Variants in CENPQ observed in about 807,000 individuals in gnomAD.
The protein encoded by CENPQ is chromosome 6 open reading frame 139.
A neutral mutation model predicts 36.6 loss-of-function variants in CENPQ; 27 were observed. The observed-to-expected ratio is 0.74, with a 90% CI of 0.54 to 1.02. The LOEUF is 1.02. Among genes scored for constraint, CENPQ ranks in the 50% least tolerant of loss-of-function variants. The pLI, the probability that CENPQ is intolerant of heterozygous loss-of-function variation, is 0.00. For synonymous variants in CENPQ, 101 were observed against 101.7 expected (o/e 0.99, Z 0.04); for missense variants, 306 against 301.8 (o/e 1.01, Z -0.10).
At position 49,478,743 on chromosome 6, in the gene CENPQ, A is replaced by G. The variant is rs547319426; in HGVS notation, c.348-2208A>G. Reference sequence around the variant, plus strand: ...ATATGATTGATATAGACTGGATTATATACCTAGCCCCATGATTACACAGAC... The same window carrying G: ...ATATGATTGATATAGACTGGATTATGTACCTAGCCCCATGATTACACAGAC... On this transcript the variant is annotated intron_variant, in intron 5 of 8. Coordinates refer to ENST00000335783, the MANE Select transcript of CENPQ (RefSeq NM_018132.4). 4.5e-4 allele frequency among the ~76,000 whole-genome samples: 69 copies of G among 152,316 alleles called. No individual in the cohort carries two copies. The East Asian group carries it at 0.013, about 29-fold the overall frequency.
At chr6:49,477,590 C>G (rs1768328096) in intron 5 of CENPQ, among the ~76,000 whole-genome samples, 1 of 151,222 alleles carries the variant, frequency 6.6e-6, no homozygotes, top group Non-Finnish European at 1.5e-5. Context: ...AGAAAATGTT[C>G]TGTTTCTCAG....
At chr6:49,480,320 TA>T (rs1228147267) in intron 5 of CENPQ, among the ~76,000 whole-genome samples, 5 of 152,222 alleles carry the variant, frequency 3.3e-5, no homozygotes, top group South Asian at 2.1e-4. Flanking sequence ...ATGATAGAAA[TA>T]GATGTTTCTA....
At chr6:49,490,690 T>C (rs1419118407) in intron 8 of CENPQ, among the ~76,000 whole-genome samples, 1 of 152,228 alleles carries the variant, frequency 6.6e-6, no homozygotes, top group African/African-American at 2.4e-5. Flanking sequence ...AGAGACATGA[T>C]TCTTCTTTTC....
rs555180265 is a variant in CENPQ at position 49,475,309 on chromosome 6, C to A, written c.347+2451C>A. Among the ~76,000 whole-genome samples, 437 of 152,200 alleles carry A rather than the reference C, an allele frequency of 2.9e-3. 1 individual carries two copies. The highest frequency in any genetic ancestry group is 6.8e-3 in the African/African-American group (283 of 41,516). On this transcript the variant is annotated intron_variant, in intron 5 of 8. Transcript: ENST00000335783. ...AACGTAATCCAGCATATAAACCAAA[C>A]CAAAAACAAAAACCACATGATTATC...
intron 8 of CENPQ, among the ~76,000 whole-genome samples, chr6:49,489,568 A>G (rs1768670446): frequency 6.6e-6 from 1 of 152,224 alleles, no homozygotes; most frequent in Admixed American, 6.5e-5. Flanking sequence ...GCTCTTACTG[A>G]CATCTAGAAT....
Position 49,489,092 on chromosome 6 carries a change from G to C in CENPQ, c.675+408G>C, listed in dbSNP as rs113906328. ...GAAGACAATGAAATTTGCCACATCA[G>C]TTGATTCTTCCTTTCACGAAAGTTT... On this transcript the variant is annotated intron_variant, in intron 8 of 8. Coordinates refer to ENST00000335783, the MANE Select transcript of CENPQ (RefSeq NM_018132.4). Among the ~76,000 whole-genome samples, 115 of 152,260 alleles carry C rather than the reference G, an allele frequency of 7.6e-4. No individual in the cohort carries two copies. In the Middle Eastern group the frequency reaches 0.02, roughly 27 times the overall value.
chr6:49,483,679 C>T lies in CENPQ; in HGVS notation c.477+2599C>T, dbSNP rs1004393523. ...CTTGGGTGCTAAGCCCCTCATTGCCCAGGGCTGGCAGGGCCAGCCAGCTGC... is the reference window on the plus strand; with the variant it reads ...CTTGGGTGCTAAGCCCCTCATTGCCTAGGGCTGGCAGGGCCAGCCAGCTGC... On this transcript the variant is annotated intron_variant, in intron 6 of 8. Transcript: ENST00000335783. Among the ~76,000 whole-genome samples, 19 of 152,348 alleles carry T rather than the reference C, an allele frequency of 1.2e-4. No individual in the cohort carries two copies. The East Asian group carries it at 3.7e-3, about 29-fold the overall frequency.
At chr6:49,482,233 C>T (rs1768452459) in intron 6 of CENPQ, among the ~76,000 whole-genome samples, 1 of 152,206 alleles carries the variant, frequency 6.6e-6, no homozygotes, top group Admixed American at 6.5e-5. Flanking sequence ...GCTGAGGGAG[C>T]CAGCTCCGGC....
intron 3 of CENPQ, among the ~76,000 whole-genome samples, 186 bp from the exon 4 acceptor site, chr6:49,471,877 A>T (rs1050441691): frequency 7.2e-5 from 11 of 152,230 alleles, no homozygotes; most frequent in Admixed American, 1.3e-4. Context: ...AATAGAAAGC[A>T]TATTCATATT....
rs1554163928 is a variant in CENPQ, at chr6:49,492,281, G to A, written c.*6G>A. On this transcript the variant is annotated 3_prime_UTR_variant, in exon 9 of 9. Transcript: ENST00000335783. ...AGAAACTGGATGCATCTTAAAGAGT[G>A]TTTTTTTTTTAGATTGTTCCATATT... The A allele has an allele frequency of 3.2e-6, 4 of 1,251,542 alleles. No homozygotes were observed. Among genetic ancestry groups the A allele is most frequent in the South Asian group, 3.1e-5 (2 of 64,066 alleles). 77.5% of individuals were successfully genotyped at this position (1,251,542 alleles called of 1,614,324 possible).
At chr6:49,464,345 G>A (rs1227786911) in intron 1 of CENPQ, among the ~76,000 whole-genome samples, 3 of 152,136 alleles carry the variant, frequency 2.0e-5, no homozygotes, top group Non-Finnish European at 4.4e-5. Context: ...CCTTCAGCAA[G>A]TCCTAATCTT....
chr6:49,467,150 C>CTA, intron 1 of CENPQ, among the ~76,000 whole-genome samples: 1 of 152,342 alleles, frequency 6.6e-6, no homozygotes, highest in South Asian at 2.1e-4. Flanking sequence ...AAACTTTGTG[C>CTA]TATAGTCTAG....
intron 5 of CENPQ, among the ~76,000 whole-genome samples, chr6:49,475,222 G>T (rs1034038396): frequency 1.3e-5 from 2 of 152,130 alleles, no homozygotes; most frequent in East Asian, 3.9e-4. Flanking sequence ...ACATCAAAAA[G>T]CTTATCCACC....
chr6:49,468,455 G>C (rs1423268507), intron 1 of CENPQ, among the ~76,000 whole-genome samples: 2 of 151,952 alleles, frequency 1.3e-5, no homozygotes, highest in South Asian at 2.1e-4. Context: ...TTAGCTGGGC[G>C]TGGTGGGGGG....
At chr6:49,467,955 G>A (rs1768040342) in intron 1 of CENPQ, among the ~76,000 whole-genome samples, 1 of 152,154 alleles carries the variant, frequency 6.6e-6, no homozygotes, top group South Asian at 2.1e-4. Context: ...AGCTAGAGAG[G>A]GAGATTTGAT....
chr6:49,486,054 G>A (rs1768571490), intron 6 of CENPQ, among the ~76,000 whole-genome samples: 1 of 152,066 alleles, frequency 6.6e-6, no homozygotes, highest in Admixed American at 6.6e-5. Context: ...TAAATCCAAT[G>A]ACAAGTGTTC....
chr6:49,467,645 T>A (rs1444126217), intron 1 of CENPQ, among the ~76,000 whole-genome samples: 1 of 152,200 alleles, frequency 6.6e-6, no homozygotes, highest in Non-Finnish European at 1.5e-5. Context: ...CACACTTGAT[T>A]ATGGCAAACA....
intron 5 of CENPQ, among the ~76,000 whole-genome samples, chr6:49,476,334 A>G (rs1240208911): frequency 5.3e-5 from 8 of 152,206 alleles, no homozygotes; most frequent in Non-Finnish European, 1.0e-4. Flanking sequence ...AAGGATTCCT[A>G]TTTAATAAAT....
chr6:49,488,336 T>TC lies in CENPQ; in HGVS notation c.478-15dup. ...TGTGTTTAAGTTAAAATGTTTTTTTTCTCTTTCTGACTCAGGAAGAAATAG... is the reference window on the plus strand; with the variant it reads ...TGTGTTTAAGTTAAAATGTTTTTTTTCCTCTTTCTGACTCAGGAAGAAATAG... On this transcript the variant is annotated splice_polypyrimidine_tract_variant and intron_variant, in intron 6 of 8. Transcript: ENST00000335783. 6.4e-7 allele frequency: 1 copy of TC among 1,569,272 alleles called. No homozygotes were observed. Among genetic ancestry groups the TC allele is most frequent in the Admixed American group, 1.9e-5 (1 of 51,890 alleles).
Sources: allele counts gnomAD v4.1 joint callset (sites outside exome capture counted in the v4.1 genomes callset), GRCh38; gene constraint gnomAD v4.1.1; transcripts MANE v1.5; gene names NCBI Gene and HGNC (gene_info 2026-07-23, HGNC 2026-07-21).